Variants in ZRANB3 observed in about 807,000 individuals in gnomAD.
ZRANB3 encodes the protein DNA annealing helicase and endonuclease ZRANB3.
ZRANB3 carries 125 observed loss-of-function variants against 133.8 expected under a neutral mutation model. The ratio of observed to expected loss-of-function variants is 0.93; its 90% CI spans 0.81 to 1.08. The LOEUF (loss-of-function observed/expected upper bound fraction) is 1.08. Among genes scored for constraint, ZRANB3 ranks in the 50% least tolerant of loss-of-function variants. The pLI, the probability that ZRANB3 is intolerant of heterozygous loss-of-function variation, is 0.00. For synonymous variants in ZRANB3, 387 were observed against 432.7 expected (o/e 0.89, Z 1.31); for missense variants, 1,229 against 1,275.5 (o/e 0.96, Z 0.56).
rs1393662102 is a variant in ZRANB3 at position 135,431,165 on chromosome 2, A to G, written c.162-40345T>C. On this transcript the variant is annotated intron_variant, in intron 2 of 20. Coordinates refer to ENST00000264159, the MANE Select transcript of ZRANB3 (RefSeq NM_032143.4). ...AAATGAGCTGAGTGTGGTGGCACAT[A>G]CCTATAATCCCAGCTACTCGGGAGG... Among the ~76,000 whole-genome samples, 3 of 151,218 alleles carry G rather than the reference A, an allele frequency of 2.0e-5. No homozygotes were observed. In the East Asian group the frequency reaches 5.8e-4, roughly 29 times the overall value.
At chr2:135,407,964 A>C (rs1688119798) in intron 2 of ZRANB3, among the ~76,000 whole-genome samples, 1 of 150,040 alleles carries the variant, frequency 6.7e-6, no homozygotes. Flanking sequence ...AAAAGCCAAA[A>C]TTGTCAAATG....
intron 1 of ZRANB3, among the ~76,000 whole-genome samples, chr2:135,524,014 T>C (rs1694048554): frequency 1.3e-5 from 2 of 152,208 alleles, no homozygotes; most frequent in African/African-American, 4.8e-5. Flanking sequence ...TACAAGTATC[T>C]ATATTTAAAA....
At chr2:135,525,924 T>C (rs1694140152) in intron 1 of ZRANB3, among the ~76,000 whole-genome samples, 1 of 144,626 alleles carries the variant, frequency 6.9e-6, no homozygotes, top group South Asian at 2.2e-4. Flanking sequence ...GAAAGTGAAA[T>C]AAATTAGCCA....
rs747346675 is a variant in ZRANB3, at chr2:135,269,833, ATG to A, written c.1207-694_1207-693del. ...CATGACTTTAATGTTGGTAGGCTGA[ATG>A]AAATGTGAACCACGCTTATGCTATA... is the stretch of plus-strand genomic sequence containing the variant. On this transcript the variant is annotated intron_variant, in intron 10 of 20. Transcript: ENST00000264159. Among the ~76,000 whole-genome samples the A allele has an allele frequency of 8.4e-3, 1,283 of 152,352 alleles. 6 individuals carry two copies. Among genetic ancestry groups the A allele is most frequent in the Middle Eastern group, 0.051 (15 of 294 alleles).
chr2:135,476,129 ATAAAAGT>A (rs1354939249), intron 2 of ZRANB3, among the ~76,000 whole-genome samples: 2 of 152,216 alleles, frequency 1.3e-5, no homozygotes, highest in Admixed American at 1.3e-4. Flanking sequence ...TGCTGATCTA[ATAAAAGT>A]TAAAGAGTCA....
In ZRANB3 at chr2:135,306,713, C is replaced by T. The variant is rs143742767; in HGVS notation, c.966+6776G>A. 4.9e-3 allele frequency among the ~76,000 whole-genome samples: 745 copies of T among 151,936 alleles called. 17 individuals are homozygous for T. Among genetic ancestry groups the T allele is most frequent in the East Asian group, 0.037 (189 of 5,160 alleles). ...AAGCAATTCTCCTGCCTCAGCCTCC[C>T]GAATAGCTGGGATTATAAGCAAGCA... On this transcript the variant is annotated intron_variant, in intron 8 of 20. Transcript: ENST00000264159.
Position 135,338,743 on chromosome 2 carries a change from A to C in ZRANB3, c.677+6807T>G, listed in dbSNP as rs1372485363. 9.8e-5 allele frequency among the ~76,000 whole-genome samples: 15 copies of C among 152,320 alleles called. No homozygotes were observed. The South Asian group carries it at 2.1e-3, about 21-fold the overall frequency. The stretch of plus-strand genomic sequence containing the variant: ...GTTCTCTACAACTAGTTGTTATCCA[A>C]TCATGTATTATTTACTAAACACGCA... On this transcript the variant is annotated intron_variant, in intron 6 of 20. Coordinates refer to ENST00000264159, the MANE Select transcript of ZRANB3 (RefSeq NM_032143.4).
At position 135,271,848 on chromosome 2, in the gene ZRANB3, C is replaced by G; in HGVS notation, c.1126G>C (p.Glu376Gln). Residue 376 changes from glutamate (E) to glutamine (Q), a missense_variant, in exon 10 of 21, where the codon GAA becomes CAA. Physicochemically the swap from Glu to Gln is conservative, Grantham distance 29. Transcript: ENST00000264159. Reference protein sequence around the residue: ...IRIDGSVSSSERIHLVNQFQK... With the variant: ...IRIDGSVSSSQRIHLVNQFQK... ...AACTGATTAACCAGATGTATTCTTTCTGAAGATGAAACACTTCCATCTATC... is the reference window on the plus strand; with the variant it reads ...AACTGATTAACCAGATGTATTCTTTGTGAAGATGAAACACTTCCATCTATC... 6.2e-7 allele frequency: 1 copy of G among 1,613,724 alleles called. No individual in the cohort carries two copies. The highest frequency in any genetic ancestry group is 8.5e-7 in the Non-Finnish European group (1 of 1,179,812).
At chr2:135,515,223 CT>C (rs1414233896) in intron 1 of ZRANB3, among the ~76,000 whole-genome samples, 3 of 152,174 alleles carry the variant, frequency 2.0e-5, no homozygotes, top group Non-Finnish European at 2.9e-5. Flanking sequence ...ACCAGCTCCT[CT>C]TAGTACCTCT....
chr2:135,239,190 G>A (rs1695440269), intron 12 of ZRANB3, among the ~76,000 whole-genome samples: 1 of 152,078 alleles, frequency 6.6e-6, no homozygotes, highest in African/African-American at 2.4e-5. Flanking sequence ...TACTATATAA[G>A]AAAGAATTAT....
intron 2 of ZRANB3, among the ~76,000 whole-genome samples, chr2:135,421,663 T>C (rs1007378916): frequency 1.3e-5 from 2 of 152,132 alleles, no homozygotes; most frequent in African/African-American, 4.8e-5. Context: ...CTGACTACTC[T>C]ATATCTGTTG....
intron 2 of ZRANB3, among the ~76,000 whole-genome samples, chr2:135,415,791 G>A (rs1245736298): frequency 6.6e-6 from 1 of 152,174 alleles, no homozygotes; most frequent in Non-Finnish European, 1.5e-5. Flanking sequence ...TGGGATGCAA[G>A]GTTGGTTCAA....
At chr2:135,342,715 T>C (rs1684733952) in intron 6 of ZRANB3, among the ~76,000 whole-genome samples, 2 of 149,498 alleles carry the variant, frequency 1.3e-5, no homozygotes. Flanking sequence ...AGAGTACAGG[T>C]AAGCTGTGGT....
intron 8 of ZRANB3, among the ~76,000 whole-genome samples, chr2:135,306,583 C>G (rs1682714717): frequency 6.9e-6 from 1 of 145,156 alleles, no homozygotes; most frequent in Non-Finnish European, 1.5e-5. Flanking sequence ...TGAGCCACCG[C>G]ACCCGGCCTT....
At chr2:135,271,257 T>C in intron 10 of ZRANB3, 1 of 469,182 alleles carries the variant, frequency 2.1e-6, no homozygotes, top group Non-Finnish European at 4.4e-6. Context: ...GAATTAAACT[T>C]TGTGTATTTA....
rs367989248 is a variant in ZRANB3 at position 135,448,203 on chromosome 2, A to G, written c.161+56126T>C. 9.8e-5 allele frequency among the ~76,000 whole-genome samples: 15 copies of G among 152,366 alleles called. No individual in the cohort carries two copies. The South Asian group carries it at 3.1e-3, about 32-fold the overall frequency. On this transcript the variant is annotated intron_variant, in intron 2 of 20. Transcript: ENST00000264159. ...AAAAATACACAAATAGCCTAAGTAG[A>G]TAAGAACTAGGCATTATGATTCATG... is the stretch of plus-strand genomic sequence containing the variant.
intron 3 of ZRANB3, among the ~76,000 whole-genome samples, chr2:135,387,024 C>T (rs1158885315): frequency 2.0e-5 from 3 of 149,092 alleles, no homozygotes; most frequent in Admixed American, 6.7e-5. Flanking sequence ...AAAAAGATAA[C>T]AGTGAAAAGA....
chr2:135,378,611 T>C (rs1474605594), intron 3 of ZRANB3, among the ~76,000 whole-genome samples: 3 of 152,266 alleles, frequency 2.0e-5, no homozygotes, highest in African/African-American at 4.8e-5. Flanking sequence ...TGAGTAACTA[T>C]ACAGTAACAA....
chr2:135,206,840 G>A (rs1258412944), intron 19 of ZRANB3, among the ~76,000 whole-genome samples: 2 of 152,006 alleles, frequency 1.3e-5, no homozygotes, highest in African/African-American at 4.8e-5. Context: ...ATTCAAGAGT[G>A]AAAAGAAACG....
Sources: allele counts gnomAD v4.1 joint callset (sites outside exome capture counted in the v4.1 genomes callset), GRCh38; gene constraint gnomAD v4.1.1; transcripts MANE v1.5; gene names NCBI Gene and HGNC (gene_info 2026-07-23, HGNC 2026-07-21).